The following SHB variants were observed in gnomAD, a reference collection of about 807,000 sequenced individuals.
SHB encodes the protein SH2 domain containing adaptor protein B.
Under a neutral mutation model 52.3 loss-of-function variants are expected in SHB, and 20 were observed. The ratio of observed to expected loss-of-function variants is 0.38; its 90% CI spans 0.27 to 0.56. The LOEUF is 0.56. Ranked by LOEUF, SHB falls within the 20% of genes least tolerant of loss-of-function variation. SHB has a pLI of 0.71. For missense variants in SHB, 825 were observed against 723.3 expected, an observed-to-expected ratio of 1.14 and a Z score of -1.61; for synonymous variants, 397 against 316.5, an observed-to-expected ratio of 1.25 and a Z score of -2.70.
chr9:38,043,409 CTG>C, intron 1 of SHB, among the ~76,000 whole-genome samples: 1 of 152,228 alleles, frequency 6.6e-6, no homozygotes, highest in Non-Finnish European at 1.5e-5. Context: ...GACATCTTAA[CTG>C]TGCATTTCCC....
At chr9:38,033,861 C>CT (rs112644329) in intron 1 of SHB, among the ~76,000 whole-genome samples, 20,973 of 152,128 alleles carry the variant, frequency 0.14, 3,193 homozygotes, top group African/African-American at 0.37. Flanking sequence ...TCCTGACACC[C>CT]CCCCAGCACC....
At chr9:37,989,076 TAC>T (rs201637939) in intron 2 of SHB, among the ~76,000 whole-genome samples, 4 of 129,486 alleles carry the variant, frequency 3.1e-5, no homozygotes, top group South Asian at 5.0e-4. Flanking sequence ...CACATGCACA[TAC>T]ACACACACAC....
intron 2 of SHB, chr9:38,015,364 T>A: frequency 1.4e-6 from 1 of 700,870 alleles, no homozygotes; most frequent in Non-Finnish European, 2.6e-6. Flanking sequence ...GCCCCCAGGA[T>A]GCTGCATACC....
chr9:38,039,335 A>G (rs1474523935), intron 1 of SHB, among the ~76,000 whole-genome samples: 1 of 152,266 alleles, frequency 6.6e-6, no homozygotes, highest in African/African-American at 2.4e-5. Flanking sequence ...ATTTTGAATG[A>G]TAAGCACAAT....
chr9:38,032,691 A>G (rs887154076), intron 1 of SHB, among the ~76,000 whole-genome samples: 1 of 151,830 alleles, frequency 6.6e-6, no homozygotes, highest in African/African-American at 2.4e-5. Context: ...TCCACCCTGT[A>G]CCAGCCGTAT....
At chr9:37,923,299 G>A (rs1832205223) in intron 5 of SHB, among the ~76,000 whole-genome samples, 1 of 152,252 alleles carries the variant, frequency 6.6e-6, no homozygotes, top group African/African-American at 2.4e-5. Context: ...AGCGCCCATG[G>A]TGCAGGGCTG....
intron 1 of SHB, among the ~76,000 whole-genome samples, chr9:38,046,142 G>A (rs1428676689): frequency 1.3e-5 from 2 of 152,142 alleles, no homozygotes; most frequent in African/African-American, 2.4e-5. Context: ...TGGGAGAATC[G>A]CTCAAAACCG....
chr9:38,029,734 G>A (rs1328738671), intron 1 of SHB, among the ~76,000 whole-genome samples: 2 of 152,078 alleles, frequency 1.3e-5, no homozygotes, highest in Admixed American at 6.6e-5. Context: ...CAAGTGATAC[G>A]CCTGCCTCAG....
intron 1 of SHB, among the ~76,000 whole-genome samples, chr9:38,019,030 G>A (rs1317611413): frequency 1.3e-5 from 2 of 152,208 alleles, no homozygotes; most frequent in South Asian, 2.1e-4. Context: ...GGAGCCAGCC[G>A]GGACTCCTCT....
At chr9:38,002,868 C>G (rs1821035285) in intron 2 of SHB, among the ~76,000 whole-genome samples, 1 of 152,194 alleles carries the variant, frequency 6.6e-6, no homozygotes, top group Admixed American at 6.5e-5. Flanking sequence ...AAGATCCACC[C>G]TGTCTCACCC....
chr9:38,055,984 T>C (rs748378630), intron 1 of SHB, among the ~76,000 whole-genome samples: 3 of 152,178 alleles, frequency 2.0e-5, no homozygotes, highest in Non-Finnish European at 4.4e-5. Context: ...CCCTAGTTAA[T>C]ACCTAGTTAC....
At chr9:38,038,869 A>G (rs1821526610) in intron 1 of SHB, among the ~76,000 whole-genome samples, 1 of 152,182 alleles carries the variant, frequency 6.6e-6, no homozygotes. Context: ...GAAGTAGGGA[A>G]AGGCAGATGG....
intron 5 of SHB, among the ~76,000 whole-genome samples, chr9:37,936,966 A>G (rs962836693): frequency 1.3e-5 from 2 of 152,216 alleles, no homozygotes; most frequent in African/African-American, 4.8e-5. Flanking sequence ...TTGCTTCCCC[A>G]TAACTTCCCC....
At chr9:37,926,252 C>T (rs1190541113) in intron 5 of SHB, among the ~76,000 whole-genome samples, 1 of 150,762 alleles carries the variant, frequency 6.6e-6, no homozygotes, top group East Asian at 2.0e-4. Flanking sequence ...CTTTATGACT[C>T]ACAACTTCTG....
intron 3 of SHB, among the ~76,000 whole-genome samples, chr9:37,966,288 C>T (rs1820519166): frequency 1.3e-5 from 2 of 152,182 alleles, no homozygotes; most frequent in Admixed American, 1.3e-4. Context: ...AGTATTCTAT[C>T]AAATCTTTGT....
chr9:37,964,954 C>CT (rs2087332704), intron 3 of SHB, among the ~76,000 whole-genome samples: 1 of 152,228 alleles, frequency 6.6e-6, no homozygotes, highest in Non-Finnish European at 1.5e-5. Flanking sequence ...TACCTGGGAC[C>CT]TACACACGTC....
At chr9:38,030,834 G>T (rs1821403726) in intron 1 of SHB, among the ~76,000 whole-genome samples, 1 of 152,082 alleles carries the variant, frequency 6.6e-6, no homozygotes, top group Non-Finnish European at 1.5e-5. Flanking sequence ...CTTGCCAGCA[G>T]GGCACCATTA....
At chr9:37,960,795 C>T (rs1212611942) in intron 3 of SHB, among the ~76,000 whole-genome samples, 1 of 152,196 alleles carries the variant, frequency 6.6e-6, no homozygotes, top group Non-Finnish European at 1.5e-5. Context: ...ATCCCTCCTA[C>T]TGGCCCTGCC....
chr9:38,009,710 A>G (rs1462432626), intron 2 of SHB, among the ~76,000 whole-genome samples: 1 of 152,202 alleles, frequency 6.6e-6, no homozygotes, highest in Non-Finnish European at 1.5e-5. Context: ...CTTGCCTTTA[A>G]AATCAGTGAC....
Sources: allele counts gnomAD v4.1 joint callset (sites outside exome capture counted in the v4.1 genomes callset), GRCh38; gene constraint gnomAD v4.1.1; transcripts MANE v1.5; gene names NCBI Gene and HGNC (gene_info 2026-07-23, HGNC 2026-07-21).